Variants in FAAH2 observed in about 807,000 individuals in gnomAD.
FAAH2 encodes fatty-acid amide hydrolase 2.
In FAAH2, 60 loss-of-function variants were observed where a neutral mutation model predicts 36.9. The ratio of observed to expected loss-of-function variants is 1.63; its 90% CI spans 1.32 to 2.02. The LOEUF is 2.02. Ranked by LOEUF, FAAH2 falls within the 30% of genes most tolerant of loss-of-function variation. FAAH2 has a pLI of 0.00. For synonymous variants in FAAH2, 214 were observed against 143.8 expected (o/e 1.49, Z -3.49); for missense variants, 689 against 397.5 (o/e 1.73, Z -6.23).
chrX:57,152,891 C>G, the FAAH2 span, among the ~76,000 whole-genome samples: 12 of 109,143 alleles, frequency 1.1e-4, no homozygotes, highest in South Asian at 4.3e-3. Flanking sequence ...TGGAGCTGTT[C>G]CTATTTGGCC....
the FAAH2 span, among the ~76,000 whole-genome samples, chrX:57,261,829 A>T: frequency 1.8e-5 from 2 of 111,112 alleles, no homozygotes; most frequent in Non-Finnish European, 3.8e-5. Context: ...TATGAGATTA[A>T]TTCATAATTA....
intron 5 of FAAH2, among the ~76,000 whole-genome samples, chrX:57,343,851 C>A (rs964746474): frequency 9.0e-6 from 1 of 111,404 alleles, no homozygotes; most frequent in African/African-American, 3.3e-5. Flanking sequence ...GTTATCCCGG[C>A]GCCATTTATT....
At chrX:57,253,059 C>G in the FAAH2 span, among the ~76,000 whole-genome samples, 1 of 111,592 alleles carries the variant, frequency 9.0e-6, no homozygotes. Context: ...AACCAGTGTA[C>G]AGAAGAGCTT....
chrX:57,307,273 C>T (rs1046804818), intron 2 of FAAH2, among the ~76,000 whole-genome samples: 2 of 107,730 alleles, frequency 1.9e-5, no homozygotes, highest in African/African-American at 3.3e-5. Flanking sequence ...ACAATGTTCC[C>T]GGTACTGTTG....
At chrX:57,254,086 G>A in the FAAH2 span, among the ~76,000 whole-genome samples, 1 of 109,990 alleles carries the variant, frequency 9.1e-6, no homozygotes, top group Admixed American at 9.7e-5. Flanking sequence ...AAGGGATGGA[G>A]GAAGATCTAC....
Position 57,476,306 on chromosome X carries a change from C to T in FAAH2, c.1424-12451C>T, listed in dbSNP as rs986377539. 3.1e-4 allele frequency among the ~76,000 whole-genome samples: 34 copies of T among 110,860 alleles called. No individual in the cohort carries two copies. The Admixed American group carries it at 3.1e-3, about 10-fold the overall frequency. ...CAAAGGGAATGCTTCCAGCTTTTAC[C>T]CATTCAGTATGATATCGGCTATAAG... On this transcript the variant is annotated intron_variant, in intron 10 of 10. Transcript: ENST00000374900.
intron 3 of FAAH2, among the ~76,000 whole-genome samples, chrX:57,327,412 CT>C (rs1159152674): frequency 9.1e-6 from 1 of 110,129 alleles, no homozygotes; most frequent in East Asian, 2.9e-4. Context: ...GGAATTTCTC[CT>C]AAATAATATC....
the FAAH2 span, among the ~76,000 whole-genome samples, chrX:57,266,070 T>A: frequency 8.9e-6 from 1 of 111,743 alleles, no homozygotes; most frequent in Admixed American, 9.4e-5. Flanking sequence ...GACTGGGGGC[T>A]GATGTGGACT....
chrX:57,413,683 C>G lies in FAAH2; in HGVS notation c.997-18235C>G, dbSNP rs7049727. ...CTTTGTTCATTTTGCTTAGGATTGT[C>G]TTGACTGTACAGGCTCTTTTTTGTT... On this transcript the variant is annotated intron_variant, in intron 7 of 10. Coordinates refer to ENST00000374900, the MANE Select transcript of FAAH2 (RefSeq NM_174912.4). Among the ~76,000 whole-genome samples the G allele has an allele frequency of 9.3e-4, 104 of 111,948 alleles. 1 individual carries two copies. The highest frequency in any genetic ancestry group is 3.3e-3 in the African/African-American group (101 of 30,810).
At chrX:57,438,141 A>T (rs1353632826) in intron 8 of FAAH2, among the ~76,000 whole-genome samples, 1 of 105,580 alleles carries the variant, frequency 9.5e-6, no homozygotes, top group African/African-American at 3.4e-5. Flanking sequence ...GTGTATATAT[A>T]TTTGTGTATA....
intron 10 of FAAH2, among the ~76,000 whole-genome samples, chrX:57,453,276 A>G (rs1053772999): frequency 3.5e-5 from 4 of 112,737 alleles, no homozygotes; most frequent in African/African-American, 1.3e-4. Flanking sequence ...TTGATAAAAT[A>G]TATTAACTAA....
At chrX:57,380,058 G>T (rs751610955) in intron 6 of FAAH2, among the ~76,000 whole-genome samples, 1 of 110,534 alleles carries the variant, frequency 9.0e-6, no homozygotes, top group African/African-American at 3.3e-5. Context: ...CATAATAATC[G>T]CTTCATGGAA....
chrX:57,330,541 C>T (rs960942987), intron 3 of FAAH2, among the ~76,000 whole-genome samples: 2 of 111,010 alleles, frequency 1.8e-5, no homozygotes, highest in East Asian at 5.7e-4. Context: ...CTCCATTTGC[C>T]TTGTGATATT....
the FAAH2 span, among the ~76,000 whole-genome samples, chrX:57,157,482 T>G: frequency 4.5e-5 from 5 of 111,616 alleles, no homozygotes; most frequent in African/African-American, 1.3e-4. Context: ...TGCCTGGTGT[T>G]GCATTCCACT....
the FAAH2 span, among the ~76,000 whole-genome samples, chrX:57,253,777 A>T: frequency 9.0e-6 from 1 of 111,439 alleles, no homozygotes; most frequent in Non-Finnish European, 1.9e-5. Context: ...AATACTAAAC[A>T]TGGAAAGGAA....
intron 7 of FAAH2, among the ~76,000 whole-genome samples, chrX:57,414,384 T>C (rs1161127426): frequency 8.9e-6 from 1 of 112,013 alleles, no homozygotes; most frequent in Non-Finnish European, 1.9e-5. Flanking sequence ...TTTTGAGATA[T>C]GTTTAATCAA....
At chrX:57,383,343 A>G (rs1195307284) in intron 7 of FAAH2, among the ~76,000 whole-genome samples, 1 of 111,909 alleles carries the variant, frequency 8.9e-6, no homozygotes, top group Non-Finnish European at 1.9e-5. Context: ...AGGCAGCAGA[A>G]GGAAATAAAG....
chrX:57,488,515 A>G (rs2057515567), intron 10 of FAAH2, among the ~76,000 whole-genome samples: 1 of 111,622 alleles, frequency 9.0e-6, no homozygotes, highest in African/African-American at 3.2e-5. Context: ...TATGTTATCT[A>G]ACTTCTCTAT....
chrX:57,343,591 T>A (rs955031410), intron 5 of FAAH2, among the ~76,000 whole-genome samples: 1 of 111,674 alleles, frequency 9.0e-6, no homozygotes, highest in African/African-American at 3.2e-5. Context: ...CTTTTGATAA[T>A]TTCTTTCGCT....
Sources: gnomAD v4.1 joint callset for allele counts (sites outside exome capture counted in the v4.1 genomes callset) on GRCh38, gnomAD v4.1.1 for gene constraint, MANE v1.5 for transcripts, NCBI Gene and HGNC (gene_info 2026-07-23, HGNC 2026-07-21) for gene names.